Variants in MED13L observed in about 807,000 individuals in gnomAD.
The protein encoded by MED13L is mediator complex subunit 13L, also known as mediator of RNA polymerase II transcription subunit 13-like.
MED13L carries 7 observed loss-of-function variants against 220.9 expected under a neutral mutation model. That is an observed-to-expected ratio of 0.03 (90% confidence interval 0.02 to 0.06). The LOEUF is 0.06. Among genes scored for constraint, MED13L ranks in the 10% least tolerant of loss-of-function variants. MED13L has a pLI of 1.00. For synonymous variants in MED13L, 1,011 were observed against 1,015.2 expected, an observed-to-expected ratio of 1.00 and a Z score of 0.08; for missense variants, 1,965 against 2,760.5, an observed-to-expected ratio of 0.71 and a Z score of 6.46.
At chr12:116,118,669 G>A (rs1380666151) in intron 2 of MED13L, among the ~76,000 whole-genome samples, 1 of 152,148 alleles carries the variant, frequency 6.6e-6, no homozygotes. Flanking sequence ...AGCAGCATAT[G>A]TTTCAATAAA....
intron 2 of MED13L, among the ~76,000 whole-genome samples, chr12:116,170,749 C>T (rs966644194): frequency 2.0e-5 from 3 of 151,754 alleles, no homozygotes; most frequent in East Asian, 1.9e-4. Context: ...TACAGGTGCC[C>T]GCCACCATGC....
intron 5 of MED13L, among the ~76,000 whole-genome samples, chr12:116,022,077 T>C (rs570254030): frequency 1.3e-5 from 2 of 152,318 alleles, no homozygotes; most frequent in South Asian, 2.1e-4. Flanking sequence ...CTATAAACCA[T>C]TACATTCCTA....
At chr12:116,209,053 T>C (rs183688616) in intron 2 of MED13L, among the ~76,000 whole-genome samples, 2 of 152,274 alleles carry the variant, frequency 1.3e-5, no homozygotes, top group African/African-American at 2.4e-5. Flanking sequence ...AATGGAAATA[T>C]TAAAGCCCCC....
At chr12:116,255,284 T>C (rs1312695401) in intron 1 of MED13L, among the ~76,000 whole-genome samples, 2 of 152,182 alleles carry the variant, frequency 1.3e-5, no homozygotes, top group Non-Finnish European at 2.9e-5. Context: ...ATTCAATAAG[T>C]CTTCAACAAA....
At chr12:116,130,793 G>C (rs1020905547) in intron 2 of MED13L, among the ~76,000 whole-genome samples, 6 of 152,036 alleles carry the variant, frequency 3.9e-5, no homozygotes, top group Non-Finnish European at 8.8e-5. Flanking sequence ...CAGCCTGTAG[G>C]TGTTGAATAT....
chr12:116,248,761 A>G (rs1011465604), intron 1 of MED13L, among the ~76,000 whole-genome samples: 6 of 152,280 alleles, frequency 3.9e-5, no homozygotes, highest in South Asian at 4.1e-4. Context: ...CTCTGGTTCT[A>G]TAAGAAAAAG....
intron 16 of MED13L, among the ~76,000 whole-genome samples, chr12:115,996,263 T>C (rs1399316436): frequency 6.6e-6 from 1 of 152,080 alleles, no homozygotes; most frequent in East Asian, 1.9e-4. Context: ...GCTAATTTTT[T>C]GTATTTTTAG....
intron 2 of MED13L, among the ~76,000 whole-genome samples, chr12:116,124,965 T>C (rs1359272470): frequency 6.6e-6 from 1 of 152,220 alleles, no homozygotes; most frequent in African/African-American, 2.4e-5. Flanking sequence ...GAAAATACTT[T>C]TTCAAAGTTA....
intron 25 of MED13L, among the ~76,000 whole-genome samples, chr12:115,974,186 C>T (rs753652182): frequency 3.3e-5 from 5 of 152,118 alleles, no homozygotes; most frequent in African/African-American, 9.7e-5. Flanking sequence ...GACGTTACAA[C>T]GGCAGAACTG....
At chr12:116,007,363 T>C (rs1311806467) in intron 11 of MED13L, 48 bp downstream of exon 11, 6 of 1,539,252 alleles carry the variant, frequency 3.9e-6, no homozygotes, top group Non-Finnish European at 5.4e-6. Context: ...TGTACTGACA[T>C]AGATAGAAAC....
At chr12:116,037,627 T>A (rs1397017413) in intron 4 of MED13L, among the ~76,000 whole-genome samples, 3 of 152,164 alleles carry the variant, frequency 2.0e-5, no homozygotes, top group Admixed American at 1.3e-4. Flanking sequence ...GGCAGTAAGT[T>A]TGACACTTGG....
chr12:116,217,691 T>C (rs61935854), intron 2 of MED13L, among the ~76,000 whole-genome samples: 26,084 of 152,128 alleles, frequency 0.17, 2,466 homozygotes, highest in Middle Eastern at 0.28. Context: ...TCTAATTACC[T>C]CATTAAAGGA....
intron 2 of MED13L, among the ~76,000 whole-genome samples, chr12:116,192,506 G>C: frequency 1.3e-5 from 2 of 152,086 alleles, no homozygotes; most frequent in Non-Finnish European, 2.9e-5. Flanking sequence ...TACTTTATTA[G>C]TATAAAGGTT....
intron 3 of MED13L, among the ~76,000 whole-genome samples, chr12:116,108,583 A>T (rs1873802991): frequency 2.0e-5 from 3 of 152,236 alleles, no homozygotes; most frequent in Non-Finnish European, 4.4e-5. Flanking sequence ...ACAAAGTTAC[A>T]TTAAGTTTGA....
intron 4 of MED13L, among the ~76,000 whole-genome samples, chr12:116,088,199 G>A (rs976419069): frequency 6.6e-6 from 1 of 152,106 alleles, no homozygotes; most frequent in Middle Eastern, 3.2e-3. Context: ...AGGGCAGACT[G>A]AACCACAACA....
At chr12:115,963,330 T>C (rs1237102510) in intron 30 of MED13L, 77 bp downstream of exon 30, 1 of 1,234,894 alleles carries the variant, frequency 8.1e-7, no homozygotes. Flanking sequence ...ACACTTAGAT[T>C]AAAACACCTT....
rs533130015 is a variant in MED13L, at chr12:116,053,328, T to C, written c.480-30727A>G. Among the ~76,000 whole-genome samples the C allele has an allele frequency of 2.2e-4, 33 of 152,224 alleles. No homozygotes were observed. In the South Asian group the frequency reaches 6.6e-3, roughly 31 times the overall value. On this transcript the variant is annotated intron_variant, in intron 4 of 30. Coordinates refer to ENST00000281928, the MANE Select transcript of MED13L (RefSeq NM_015335.5). ...CCATAAATAAGTATAATCGAAGGTA[T>C]ACATAAATACCAGAAGAAAAGCTTA...
chr12:116,064,808 A>G (rs991425507), intron 4 of MED13L, among the ~76,000 whole-genome samples: 2 of 152,202 alleles, frequency 1.3e-5, no homozygotes, highest in African/African-American at 4.8e-5. Flanking sequence ...TTATGTACCC[A>G]ATCTCCACAT....
chr12:116,107,328 G>A (rs1249415327), intron 3 of MED13L, among the ~76,000 whole-genome samples: 1 of 152,170 alleles, frequency 6.6e-6, no homozygotes, highest in Non-Finnish European at 1.5e-5. Flanking sequence ...TATATACAAT[G>A]TAGTTTCAAC....
Sources: allele counts gnomAD v4.1 joint callset (sites outside exome capture counted in the v4.1 genomes callset), GRCh38; gene constraint gnomAD v4.1.1; transcripts MANE v1.5; gene names NCBI Gene and HGNC (gene_info 2026-07-23, HGNC 2026-07-21).